ERC2: variants seen among roughly 807,000 people sequenced by gnomAD.
ERC2 encodes the protein ELKS/RAB6-interacting/CAST family member 2, also known as ERC protein 2.
In ERC2, 42 loss-of-function variants were observed where a neutral mutation model predicts 114.8. The ratio of observed to expected loss-of-function variants is 0.37; its 90% CI spans 0.29 to 0.47. ERC2 has a LOEUF of 0.47. Ranked by LOEUF, ERC2 falls within the 20% of genes least tolerant of loss-of-function variation. The pLI is 0.99. For missense variants in ERC2, 939 were observed against 1,150.7 expected (o/e 0.82, Z 2.66); for synonymous variants, 454 against 425.5 (o/e 1.07, Z -0.82).
At chr3:56,320,601 G>A (rs1482758076) in intron 2 of ERC2, among the ~76,000 whole-genome samples, 1 of 152,074 alleles carries the variant, frequency 6.6e-6, no homozygotes, top group South Asian at 2.1e-4. Flanking sequence ...GCCCCTGGGG[G>A]ACCAGTTCCT....
At chr3:56,002,159 T>C (rs1293085579) in intron 10 of ERC2, among the ~76,000 whole-genome samples, 1 of 152,172 alleles carries the variant, frequency 6.6e-6, no homozygotes, top group African/African-American at 2.4e-5. Context: ...TCTAACTAAG[T>C]ACACCTGAAC....
At chr3:55,953,122 G>A (rs192574471) in intron 12 of ERC2, among the ~76,000 whole-genome samples, 8 of 151,520 alleles carry the variant, frequency 5.3e-5, no homozygotes, top group Non-Finnish European at 8.8e-5. Flanking sequence ...GGAGAACGGC[G>A]TGAACCCGGG....
intron 2 of ERC2, among the ~76,000 whole-genome samples, chr3:56,342,983 C>A (rs1489221967): frequency 6.6e-6 from 1 of 152,000 alleles, no homozygotes; most frequent in East Asian, 1.9e-4. Flanking sequence ...TCTCTCTCAC[C>A]CCATTCAAGC....
intron 12 of ERC2, 148 bp from the exon 13 acceptor site, chr3:55,950,708 A>T: frequency 2.2e-6 from 2 of 914,728 alleles, no homozygotes; most frequent in Non-Finnish European, 3.3e-6. Flanking sequence ...TCATTCAACT[A>T]CAAATATGTA....
At chr3:56,459,822 CTCTT>C (rs2063230368) in intron 1 of ERC2, among the ~76,000 whole-genome samples, 1 of 152,216 alleles carries the variant, frequency 6.6e-6, no homozygotes, top group South Asian at 2.1e-4. Context: ...CGCACTCTCT[CTCTT>C]TTTAATTTTG....
intron 2 of ERC2, among the ~76,000 whole-genome samples, chr3:56,421,374 A>T (rs1482379360): frequency 6.6e-6 from 1 of 152,170 alleles, no homozygotes; most frequent in Admixed American, 6.5e-5. Context: ...GAATCTACTC[A>T]TCATGCCCCT....
intron 17 of ERC2, among the ~76,000 whole-genome samples, chr3:55,556,556 T>C (rs2107455940): frequency 6.6e-6 from 1 of 152,278 alleles, no homozygotes; most frequent in East Asian, 1.9e-4. Flanking sequence ...TCAAATCCAG[T>C]GAGAGGAGCT....
chr3:55,739,368 T>C (rs2065841664), intron 14 of ERC2, among the ~76,000 whole-genome samples: 1 of 152,178 alleles, frequency 6.6e-6, no homozygotes, highest in Non-Finnish European at 1.5e-5. Context: ...TAATTTACAC[T>C]CCCACCAACA....
intron 1 of ERC2, among the ~76,000 whole-genome samples, chr3:56,450,681 A>T (rs1171203528): frequency 6.6e-6 from 1 of 152,066 alleles, no homozygotes; most frequent in East Asian, 1.9e-4. Context: ...TCAAAAATAA[A>T]TTAGTCAGGT....
rs377495045 is a variant in ERC2, at chr3:55,779,024, G to C, written c.2565-44106C>G. Among the ~76,000 whole-genome samples the C allele has an allele frequency of 3.9e-5, 6 of 152,034 alleles. No homozygotes were observed. In the East Asian group the frequency reaches 9.7e-4, roughly 25 times the overall value. ...ACTCTAGCAAAACAAAAATAATAGG[G>C]AAGAGGCAGATAATCTAAATGGGCC... On this transcript the variant is annotated intron_variant, in intron 14 of 17. Transcript: ENST00000288221.
At chr3:56,026,207 G>A (rs560561919) in intron 7 of ERC2, among the ~76,000 whole-genome samples, 31 of 151,634 alleles carry the variant, frequency 2.0e-4, no homozygotes, top group African/African-American at 6.5e-4. Context: ...GCACTACCAC[G>A]CCCAGCTAAT....
chr3:56,278,497 A>C (rs1212972755), intron 3 of ERC2, among the ~76,000 whole-genome samples: 1 of 152,228 alleles, frequency 6.6e-6, no homozygotes, highest in Admixed American at 6.5e-5. Context: ...CTGGAATGGC[A>C]ATAAAAGAAC....
At chr3:55,899,596 G>A (rs1251311507) in intron 13 of ERC2, among the ~76,000 whole-genome samples, 13 of 152,164 alleles carry the variant, frequency 8.5e-5, no homozygotes, top group South Asian at 4.1e-4. Context: ...TGAGATGTTC[G>A]TCAGATATTA....
chr3:55,629,259 C>T (rs1173279249), intron 17 of ERC2, among the ~76,000 whole-genome samples: 2 of 152,180 alleles, frequency 1.3e-5, no homozygotes, highest in Non-Finnish European at 2.9e-5. Flanking sequence ...GCAGAGATGC[C>T]ATGGCTCCCA....
At chr3:56,344,727 C>A (rs1354955305) in intron 2 of ERC2, among the ~76,000 whole-genome samples, 1 of 152,182 alleles carries the variant, frequency 6.6e-6, no homozygotes, top group Non-Finnish European at 1.5e-5. Context: ...TTGATGGCCT[C>A]ATGCTCTGGT....
chr3:55,986,652 C>T lies in ERC2; in HGVS notation c.2256-664G>A, dbSNP rs190169280. Among the ~76,000 whole-genome samples, 63 of 152,172 alleles carry T rather than the reference C, an allele frequency of 4.1e-4. 1 individual carries two copies. The highest frequency in any genetic ancestry group is 2.6e-3 in the Admixed American group (39 of 15,280). The stretch of plus-strand genomic sequence containing the variant: ...AGCAAGGACAGAGTAACTTTCCAAG[C>T]TGAGAGTGATTTTTTTCAGTCAGAA... On this transcript the variant is annotated intron_variant, in intron 11 of 17. Transcript: ENST00000288221.
Position 56,434,660 on chromosome 3 carries a change from T to C in ERC2, c.348A>G (p.Ser116=). The C allele has an allele frequency of 6.2e-7, 1 of 1,613,950 alleles. No homozygotes were observed. The part of the protein sequence containing the change: ...SAGLSHTDVL[S]YTDQHGGLTG... ...TCAGCCCACCATGTTGATCTGTGTA[T>C]GAAAGGACATCTGTGTGGGAAAGTC... The change falls in exon 2 of 18, where the codon TCA becomes TCG. Residue 116 remains serine (S), a synonymous_variant. Transcript: ENST00000288221.
chr3:55,741,611 A>T (rs2065965086), intron 14 of ERC2, among the ~76,000 whole-genome samples: 1 of 152,190 alleles, frequency 6.6e-6, no homozygotes, highest in African/African-American at 2.4e-5. Context: ...CACGGAAAGT[A>T]CATATATGCC....
At chr3:55,638,657 T>A (rs2060051465) in intron 17 of ERC2, among the ~76,000 whole-genome samples, 1 of 152,154 alleles carries the variant, frequency 6.6e-6, no homozygotes, top group African/African-American at 2.4e-5. Context: ...TCCTTGCCCA[T>A]CCCCCAAGTA....
Sources: gnomAD v4.1 joint callset for allele counts (sites outside exome capture counted in the v4.1 genomes callset) on GRCh38, gnomAD v4.1.1 for gene constraint, MANE v1.5 for transcripts, NCBI Gene and HGNC (gene_info 2026-07-23, HGNC 2026-07-21) for gene names.